Variants in ZNF804A observed in about 807,000 individuals in gnomAD.
The protein encoded by ZNF804A is zinc finger protein 804A.
ZNF804A carries 2 observed loss-of-function variants against 16.5 expected under a neutral mutation model. The ratio of observed to expected loss-of-function variants is 0.12; its 90% CI spans 0.05 to 0.38. ZNF804A has a LOEUF of 0.38. ZNF804A is among the 10% of genes least tolerant of loss of function. ZNF804A has a pLI of 0.99. For missense variants in ZNF804A, 1,473 were observed against 1,390.7 expected, an observed-to-expected ratio of 1.06 and a Z score of -0.94; for synonymous variants, 534 against 489.6, an observed-to-expected ratio of 1.09 and a Z score of -1.20.
chr2:184,882,041 G>A (rs891277318), intron 2 of ZNF804A, among the ~76,000 whole-genome samples: 12 of 151,990 alleles, frequency 7.9e-5, no homozygotes, highest in African/African-American at 2.9e-4. Context: ...GGTTTCAAGA[G>A]ATCCATCTCA....
In ZNF804A at chr2:184,645,393, A is replaced by G. The variant is rs184388806; in HGVS notation, c.111+46323A>G. Among the ~76,000 whole-genome samples, 6 of 152,312 alleles carry G rather than the reference A, an allele frequency of 3.9e-5. No individual in the cohort carries two copies. In the East Asian group the frequency reaches 7.7e-4, roughly 20 times the overall value. Reference sequence around the variant, plus strand: ...AAAAGGGCAAAAGGTTTTCTCTGGTATATTGCTAAAGATATGATGACCAAA... The same window carrying G: ...AAAAGGGCAAAAGGTTTTCTCTGGTGTATTGCTAAAGATATGATGACCAAA... On this transcript the variant is annotated intron_variant, in intron 1 of 3. Coordinates refer to ENST00000302277, the MANE Select transcript of ZNF804A (RefSeq NM_194250.2).
At chr2:184,812,425 T>C (rs1227027245) in intron 1 of ZNF804A, among the ~76,000 whole-genome samples, 3 of 152,108 alleles carry the variant, frequency 2.0e-5, no homozygotes, top group African/African-American at 7.2e-5. Flanking sequence ...TCGGTGAAGA[T>C]AAAGATTAAA....
chr2:184,651,150 A>G (rs1034642883), intron 1 of ZNF804A, among the ~76,000 whole-genome samples: 5 of 152,032 alleles, frequency 3.3e-5, no homozygotes, highest in Non-Finnish European at 7.4e-5. Context: ...TACACCTACA[A>G]CCATGTGATC....
intron 2 of ZNF804A, among the ~76,000 whole-genome samples, chr2:184,870,974 T>G (rs1278513985): frequency 6.6e-6 from 1 of 151,628 alleles, no homozygotes; most frequent in Non-Finnish European, 1.5e-5. Flanking sequence ...GTTGATATAG[T>G]TTGGATTTAC....
chr2:184,836,973 G>A (rs1426469462), intron 1 of ZNF804A, among the ~76,000 whole-genome samples: 2 of 151,396 alleles, frequency 1.3e-5, no homozygotes, highest in African/African-American at 4.9e-5. Context: ...TTGTGACTAT[G>A]TACATGGTGT....
In ZNF804A at chr2:184,938,829, C is replaced by G. The variant is rs1443556163; in HGVS notation, c.3433C>G (p.Gln1145Glu). 1 of 1,613,968 alleles carries G rather than the reference C, an allele frequency of 6.2e-7. No homozygotes were observed. The highest frequency in any genetic ancestry group is 1.1e-5 in the South Asian group (1 of 91,074). ...AGCTCTCACCAGAACCTCATTACCTCAGCTCTCAGTAGGACCAGTAGGACC... is the reference window on the plus strand; with the variant it reads ...AGCTCTCACCAGAACCTCATTACCTGAGCTCTCAGTAGGACCAGTAGGACC... ...IPALTRTSLP[Q>E]LSVGPVGPRL... Residue 1145 changes from glutamine to glutamate, a missense_variant, in exon 4 of 4, where the codon CAG becomes GAG. By Grantham distance (29) the Gln-to-Glu change is conservative. Transcript: ENST00000302277.
chr2:184,759,731 C>T (rs1273916934), intron 1 of ZNF804A, among the ~76,000 whole-genome samples: 2 of 151,808 alleles, frequency 1.3e-5, no homozygotes, highest in South Asian at 2.1e-4. Flanking sequence ...GTGAAAATGG[C>T]CAGTTCCTGC....
intron 1 of ZNF804A, among the ~76,000 whole-genome samples, chr2:184,792,136 G>A (rs1338770350): frequency 6.6e-6 from 1 of 152,142 alleles, no homozygotes; most frequent in Non-Finnish European, 1.5e-5. Context: ...TTGGGTGCAA[G>A]CTTTTGTACG....
In ZNF804A at chr2:184,610,325, A is replaced by T. The variant is rs571639675; in HGVS notation, c.111+11255A>T. On this transcript the variant is annotated intron_variant, in intron 1 of 3. Transcript: ENST00000302277. ...ATTCTTTTATAGCAACAGAGAACAG[A>T]CTAAGACATCAGAGTGAGTAAGTTT... Among the ~76,000 whole-genome samples, 5 of 152,224 alleles carry T rather than the reference A, an allele frequency of 3.3e-5. No homozygotes were observed. In the South Asian group the frequency reaches 1.0e-3, roughly 31 times the overall value.
chr2:184,617,500 A>G (rs1159193558), intron 1 of ZNF804A, among the ~76,000 whole-genome samples: 2 of 151,874 alleles, frequency 1.3e-5, no homozygotes, highest in African/African-American at 4.8e-5. Flanking sequence ...AGGTGTTTTT[A>G]CAAAAAATTA....
chr2:184,821,228 G>A (rs1417063177), intron 1 of ZNF804A, among the ~76,000 whole-genome samples: 13 of 151,958 alleles, frequency 8.6e-5, no homozygotes, highest in African/African-American at 2.9e-4. Context: ...ATAGACCAAT[G>A]GAACAAAATA....
At chr2:184,657,180 G>C (rs183273758) in intron 1 of ZNF804A, among the ~76,000 whole-genome samples, 1 of 152,152 alleles carries the variant, frequency 6.6e-6, no homozygotes, top group East Asian at 1.9e-4. Context: ...TGATCTCATG[G>C]GCTCAATTGA....
At chr2:184,641,597 T>C (rs1559115165) in intron 1 of ZNF804A, among the ~76,000 whole-genome samples, 1 of 152,182 alleles carries the variant, frequency 6.6e-6, no homozygotes, top group Admixed American at 6.5e-5. Flanking sequence ...AATTGCACTG[T>C]TTCATTATAG....
At chr2:184,774,805 A>G (rs1694262924) in intron 1 of ZNF804A, among the ~76,000 whole-genome samples, 1 of 151,790 alleles carries the variant, frequency 6.6e-6, no homozygotes, top group Non-Finnish European at 1.5e-5. Flanking sequence ...TGTGAGAATG[A>G]AATCAAAGAG....
intron 1 of ZNF804A, among the ~76,000 whole-genome samples, chr2:184,818,134 C>A (rs2105789638): frequency 6.6e-6 from 1 of 151,798 alleles, no homozygotes; most frequent in South Asian, 2.1e-4. Flanking sequence ...AAATTAAAGA[C>A]AAAATATTAA....
At position 184,680,514 on chromosome 2, in the gene ZNF804A, A is replaced by G. The variant is rs140147859; in HGVS notation, c.111+81444A>G. Among the ~76,000 whole-genome samples the G allele has an allele frequency of 2.1e-3, 326 of 152,358 alleles. 1 individual carries two copies. Among genetic ancestry groups the G allele is most frequent in the Middle Eastern group, 6.8e-3 (2 of 294 alleles). On this transcript the variant is annotated intron_variant, in intron 1 of 3. Transcript: ENST00000302277. Reference sequence around the variant, plus strand: ...CACTGGGACAACTTTCCCATGCAAAAGAGCCACCTGCCTGCAGAAAAGACT... The same window carrying G: ...CACTGGGACAACTTTCCCATGCAAAGGAGCCACCTGCCTGCAGAAAAGACT...
At chr2:184,635,025 A>C (rs971359166) in intron 1 of ZNF804A, among the ~76,000 whole-genome samples, 3 of 152,190 alleles carry the variant, frequency 2.0e-5, no homozygotes, top group African/African-American at 7.2e-5. Context: ...CCTTGCATTA[A>C]AGAGTGGTTA....
At chr2:184,762,090 CT>C (rs945077151) in intron 1 of ZNF804A, among the ~76,000 whole-genome samples, 8 of 151,316 alleles carry the variant, frequency 5.3e-5, no homozygotes, top group East Asian at 4.0e-4. Flanking sequence ...GTCTCTCTCT[CT>C]TTTTTTTTCT....
intron 2 of ZNF804A, among the ~76,000 whole-genome samples, chr2:184,894,604 T>G (rs1384027008): frequency 6.6e-6 from 1 of 152,078 alleles, no homozygotes; most frequent in Non-Finnish European, 1.5e-5. Flanking sequence ...CATTTATATA[T>G]TACTATATTG....
Sources: allele counts gnomAD v4.1 joint callset (sites outside exome capture counted in the v4.1 genomes callset), GRCh38; gene constraint gnomAD v4.1.1; transcripts MANE v1.5; gene names NCBI Gene and HGNC (gene_info 2026-07-23, HGNC 2026-07-21).